The following SNX29 variants were observed in gnomAD, a reference collection of about 807,000 sequenced individuals.
The protein encoded by SNX29 is sorting nexin 29.
SNX29 carries 78 observed loss-of-function variants against 102.1 expected under a neutral mutation model. The ratio of observed to expected loss-of-function variants is 0.76; its 90% confidence interval spans 0.64 to 0.92. SNX29 has a LOEUF of 0.92. SNX29 is among the 40% of genes least tolerant of loss of function. The pLI, the probability that SNX29 is intolerant of heterozygous loss-of-function variation, is 0.00. For missense variants in SNX29, 1,280 were observed against 1,061.7 expected, an observed-to-expected ratio of 1.21 and a Z score of -2.86; for synonymous variants, 580 against 414.5, an observed-to-expected ratio of 1.40 and a Z score of -4.85.
intron 15 of SNX29, among the ~76,000 whole-genome samples, chr16:12,286,649 G>C (rs956660513): frequency 1.3e-5 from 2 of 152,006 alleles, no homozygotes; most frequent in African/African-American, 4.8e-5. Context: ...CCGGCCCCAA[G>C]GTGTCCTTAA....
At position 12,572,979 on chromosome 16, in the gene SNX29, T is replaced by A; in HGVS notation, c.*4350T>A. Reference sequence around the variant, plus strand: ...AGGTCAAAGATTTTTCAAAATATTGTGCATTAATTCATTAAAGCTACTGTT... The same window carrying A: ...AGGTCAAAGATTTTTCAAAATATTGAGCATTAATTCATTAAAGCTACTGTT... On this transcript the variant is annotated 3_prime_UTR_variant, in exon 21 of 21. Transcript: ENST00000566228. 2 of 463,004 alleles carry A rather than the reference T, an allele frequency of 4.3e-6. No homozygotes were observed. The highest frequency in any genetic ancestry group is 6.1e-6 in the Non-Finnish European group (2 of 329,434). 28.7% of individuals were successfully genotyped at this position (463,004 alleles called of 1,614,324 possible).
rs571715629 is a variant in SNX29 at position 12,220,581 on chromosome 16, T to C, written c.1678+20898T>C. 3.0e-4 allele frequency among the ~76,000 whole-genome samples: 46 copies of C among 152,226 alleles called. 1 individual carries two copies. The highest frequency in any genetic ancestry group is 2.3e-3 in the Admixed American group (35 of 15,282). ...TTGCATGTTTCTTCCCTGCTCGTGC[T>C]GATCTCCCCTGCATGTTGCGTTGTT... is the stretch of plus-strand genomic sequence containing the variant. On this transcript the variant is annotated intron_variant, in intron 14 of 20. Transcript: ENST00000566228.
intron 13 of SNX29, among the ~76,000 whole-genome samples, chr16:12,148,864 AT>A (rs561510628): frequency 6.6e-5 from 10 of 150,934 alleles, no homozygotes; most frequent in East Asian, 1.9e-4. Context: ...TGCTCAGCTA[AT>A]TTTTTTTTGT....
At chr16:12,542,328 A>G (rs1264022992) in intron 20 of SNX29, among the ~76,000 whole-genome samples, 1 of 152,230 alleles carries the variant, frequency 6.6e-6, no homozygotes, top group Non-Finnish European at 1.5e-5. Flanking sequence ...AGCTGCTGTT[A>G]GAGCAAGAGA....
At chr16:12,409,400 A>T (rs8047934) in intron 18 of SNX29, among the ~76,000 whole-genome samples, 1 of 148,446 alleles carries the variant, frequency 6.7e-6, no homozygotes, top group Non-Finnish European at 1.5e-5. Context: ...CCTGACTCCA[A>T]ACGGGTTTGA....
chr16:12,156,005 T>G (rs1369405474), intron 13 of SNX29, among the ~76,000 whole-genome samples: 1 of 152,184 alleles, frequency 6.6e-6, no homozygotes, highest in East Asian at 1.9e-4. Context: ...CTCCTCCGAC[T>G]CCTCCTCGTG....
Position 12,500,879 on chromosome 16 carries a change from T to C in SNX29, c.2178+23020T>C, listed in dbSNP as rs9935645. 3.1e-3 allele frequency among the ~76,000 whole-genome samples: 479 copies of C among 152,326 alleles called. 6 individuals are homozygous for C. Among genetic ancestry groups the C allele is most frequent in the African/African-American group, 0.011 (449 of 41,572 alleles). On this transcript the variant is annotated intron_variant, in intron 19 of 20. Transcript: ENST00000566228. ...TCCAATGAGACCCTTTCCTGTCTCC[T>C]TCCTCCCCGCCTCACCTTGGTCCCC... is the stretch of plus-strand genomic sequence containing the variant.
intron 14 of SNX29, among the ~76,000 whole-genome samples, chr16:12,213,884 C>T (rs1318861301): frequency 6.6e-6 from 1 of 152,160 alleles, no homozygotes; most frequent in Non-Finnish European, 1.5e-5. Flanking sequence ...GCGATGAATA[C>T]TGGGTAGGCA....
chr16:12,125,969 T>G (rs756262160), intron 11 of SNX29, among the ~76,000 whole-genome samples: 1 of 152,168 alleles, frequency 6.6e-6, no homozygotes, highest in Non-Finnish European at 1.5e-5. Flanking sequence ...CACATCGCTG[T>G]CTGGGGCTGA....
At chr16:12,210,159 C>G (rs1299236037) in intron 14 of SNX29, among the ~76,000 whole-genome samples, 1 of 152,176 alleles carries the variant, frequency 6.6e-6, no homozygotes, top group Non-Finnish European at 1.5e-5. Context: ...TCCAGGCACA[C>G]TGGTTCAGGG....
intron 18 of SNX29, among the ~76,000 whole-genome samples, chr16:12,409,421 C>CTTTTTT (rs71139589): frequency 6.2e-4 from 56 of 89,644 alleles, no homozygotes; most frequent in East Asian, 1.0e-3. Flanking sequence ...GATTCACTGT[C>CTTTTTT]TTTTTTTTTT....
chr16:12,033,010 A>G (rs1004079779), intron 4 of SNX29, among the ~76,000 whole-genome samples: 3 of 152,014 alleles, frequency 2.0e-5, no homozygotes, highest in African/African-American at 7.2e-5. Context: ...GTGCGCCACC[A>G]TGCCTGGCTA....
chr16:12,267,428 G>C (rs2078961071), intron 14 of SNX29, among the ~76,000 whole-genome samples: 1 of 152,174 alleles, frequency 6.6e-6, no homozygotes, highest in Non-Finnish European at 1.5e-5. Context: ...CTCTGAAATA[G>C]AGATTTCATG....
intron 13 of SNX29, chr16:12,135,778 C>T (rs1266555632): frequency 2.3e-6 from 1 of 426,130 alleles, no homozygotes. Flanking sequence ...TCATAAGAGT[C>T]CTGACTGAAG....
At position 12,339,446 on chromosome 16, in the gene SNX29, G is replaced by T. The variant is rs543928713; in HGVS notation, c.1783-16717G>T. Among the ~76,000 whole-genome samples the T allele has an allele frequency of 4.6e-5, 7 of 150,684 alleles. No homozygotes were observed. In the South Asian group the frequency reaches 1.0e-3, roughly 22 times the overall value. On this transcript the variant is annotated intron_variant, in intron 15 of 20. Coordinates refer to ENST00000566228, the MANE Select transcript of SNX29 (RefSeq NM_032167.5). ...GTGGAGGTGTTGAAGCAGAAACTGG[G>T]CAGTTACTTGGTGGCTCTGTGAGTC...
At chr16:12,490,410 CA>C (rs2088488171) in intron 19 of SNX29, among the ~76,000 whole-genome samples, 1 of 152,196 alleles carries the variant, frequency 6.6e-6, no homozygotes, top group African/African-American at 2.4e-5. Context: ...TGTAATAGTC[CA>C]TTGTGTGAAT....
At chr16:12,324,090 T>A (rs1049360456) in intron 15 of SNX29, among the ~76,000 whole-genome samples, 2 of 152,024 alleles carry the variant, frequency 1.3e-5, no homozygotes, top group Non-Finnish European at 2.9e-5. Context: ...CGCAGTGTGC[T>A]GGGGTTTGTT....
intron 16 of SNX29, among the ~76,000 whole-genome samples, chr16:12,382,962 C>T (rs2083225596): frequency 6.6e-6 from 1 of 152,146 alleles, no homozygotes; most frequent in African/African-American, 2.4e-5. Context: ...TGCAAAGACA[C>T]CTTTTTCCAC....
chr16:12,340,168 C>T (rs571345597), intron 15 of SNX29, among the ~76,000 whole-genome samples: 3 of 152,328 alleles, frequency 2.0e-5, no homozygotes, highest in South Asian at 2.1e-4. Flanking sequence ...TCATCATCGT[C>T]ATCTTCTCCA....
Sources: gnomAD v4.1 joint callset for allele counts (sites outside exome capture counted in the v4.1 genomes callset) on GRCh38, gnomAD v4.1.1 for gene constraint, MANE v1.5 for transcripts, NCBI Gene and HGNC (gene_info 2026-07-23, HGNC 2026-07-21) for gene names.